ZBTB20: variants seen among roughly 807,000 people sequenced by gnomAD.
ZBTB20 encodes zinc finger and BTB domain-containing protein 20.
A neutral mutation model predicts 56.9 loss-of-function variants in ZBTB20; 9 were observed. The ratio of observed to expected loss-of-function variants is 0.16; its 90% confidence interval spans 0.10 to 0.28. The LOEUF is 0.28. Ranked by LOEUF, ZBTB20 falls within the 10% of genes least tolerant of loss-of-function variation. The pLI is 1.00. For synonymous variants in ZBTB20, 417 were observed against 420.7 expected, an observed-to-expected ratio of 0.99 and a Z score of 0.11; for missense variants, 655 against 1,003.0, an observed-to-expected ratio of 0.65 and a Z score of 4.69.
intron 7 of ZBTB20, among the ~76,000 whole-genome samples, chr3:114,408,472 C>G (rs1386046749): frequency 6.6e-6 from 1 of 152,088 alleles, no homozygotes; most frequent in Non-Finnish European, 1.5e-5. Context: ...CGAGAGAAAA[C>G]CTTTGACGAA....
At chr3:114,558,104 T>G (rs1185356075) in intron 6 of ZBTB20, among the ~76,000 whole-genome samples, 1 of 152,080 alleles carries the variant, frequency 6.6e-6, no homozygotes, top group Non-Finnish European at 1.5e-5. Context: ...TTTCCACCAT[T>G]CAGTGTAGTA....
At chr3:114,858,255 C>T (rs2075338697) in intron 4 of ZBTB20, among the ~76,000 whole-genome samples, 2 of 152,166 alleles carry the variant, frequency 1.3e-5, no homozygotes, top group Non-Finnish European at 2.9e-5. Context: ...TTGCAGGGAA[C>T]AAGCTCCCAC....
chr3:114,636,532 A>C (rs995595409), intron 6 of ZBTB20, among the ~76,000 whole-genome samples: 1 of 152,094 alleles, frequency 6.6e-6, no homozygotes, highest in Non-Finnish European at 1.5e-5. Flanking sequence ...CAATAACATG[A>C]AGTGTGTATA....
At chr3:114,848,784 G>A (rs2074848524) in intron 4 of ZBTB20, among the ~76,000 whole-genome samples, 1 of 152,202 alleles carries the variant, frequency 6.6e-6, no homozygotes. Context: ...GCTGCCCAGG[G>A]CGGCTACCTC....
intron 1 of ZBTB20, among the ~76,000 whole-genome samples, chr3:115,142,702 T>C (rs1378754026): frequency 6.6e-6 from 1 of 151,824 alleles, no homozygotes; most frequent in African/African-American, 2.4e-5. Context: ...TGTATTCCAT[T>C]AGTTATAAAG....
rs139563272 is a variant in ZBTB20, at chr3:115,055,960, TGA to T, written c.-507+15257_-507+15258del. 8.0e-3 allele frequency among the ~76,000 whole-genome samples: 1,211 copies of T among 152,158 alleles called. 3 individuals carry two copies. Among genetic ancestry groups the T allele is most frequent in the Non-Finnish European group, 0.013 (877 of 67,980 alleles). On this transcript the variant is annotated intron_variant, in intron 2 of 11. Transcript: ENST00000675478. ...TCCAAGGTAAAGACCCTCAAAAAGTTGAGAGATATGACTACATAAAAATTGAA... is the reference window on the plus strand; with the variant it reads ...TCCAAGGTAAAGACCCTCAAAAAGTTGAGATATGACTACATAAAAATTGAA...
At chr3:114,517,914 C>T (rs2046202872) in intron 6 of ZBTB20, among the ~76,000 whole-genome samples, 1 of 152,032 alleles carries the variant, frequency 6.6e-6, no homozygotes, top group Non-Finnish European at 1.5e-5. Flanking sequence ...TATACCAGGC[C>T]CTATGCTGAA....
intron 1 of ZBTB20, among the ~76,000 whole-genome samples, chr3:115,099,897 G>C (rs769697101): frequency 1.6e-4 from 24 of 151,976 alleles, no homozygotes; most frequent in Non-Finnish European, 2.9e-4. Flanking sequence ...GATTTATTTG[G>C]TACTTTAGTG....
intron 7 of ZBTB20, among the ~76,000 whole-genome samples, chr3:114,398,728 A>C (rs1363836021): frequency 6.6e-6 from 1 of 152,200 alleles, no homozygotes; most frequent in Non-Finnish European, 1.5e-5. Context: ...GATGAAAAGA[A>C]AAAGGATATT....
chr3:114,316,264 G>A lies in ZBTB20; in HGVS notation c.*22741C>T. The A allele has an allele frequency of 3.0e-6, 1 of 331,920 alleles. No homozygotes were observed. Among genetic ancestry groups the A allele is most frequent in the Non-Finnish European group, 5.6e-6 (1 of 177,916 alleles). The allele number at this position is 331,920 out of a possible 1,614,324, so 20.6% of individuals were successfully genotyped here. On this transcript the variant is annotated 3_prime_UTR_variant, in exon 12 of 12. Coordinates refer to ENST00000675478, the MANE Select transcript of ZBTB20 (RefSeq NM_001348800.3). ...CCATTTTTCCTTTTTCACTAACACT[G>A]TTCCTTTTTTTCCTTGTTACAATCC...
intron 5 of ZBTB20, among the ~76,000 whole-genome samples, chr3:114,762,547 T>A (rs1227673350): frequency 6.6e-6 from 1 of 152,202 alleles, no homozygotes; most frequent in Non-Finnish European, 1.5e-5. Context: ...TCTCTTCATT[T>A]GCTTGTGTGT....
intron 1 of ZBTB20, among the ~76,000 whole-genome samples, chr3:115,098,411 T>A (rs376741308): frequency 5.9e-5 from 9 of 152,242 alleles, no homozygotes; most frequent in African/African-American, 2.2e-4. Context: ...TGGGTCACCG[T>A]CAGAAATGGC....
rs183160748 is a variant in ZBTB20, at chr3:114,327,155, C to A, written c.*11850G>T. On this transcript the variant is annotated 3_prime_UTR_variant, in exon 12 of 12. Coordinates refer to ENST00000675478, the MANE Select transcript of ZBTB20 (RefSeq NM_001348800.3). ...GCTCATAAGCAATAATAAATTCACACCCTGGAGTCTCTAGAATATCAAACA... is the reference window on the plus strand; with the variant it reads ...GCTCATAAGCAATAATAAATTCACAACCTGGAGTCTCTAGAATATCAAACA... 1 of 152,206 alleles carries A rather than the reference C, an allele frequency of 6.6e-6. No homozygotes were observed. Among genetic ancestry groups the A allele is most frequent in the Admixed American group, 6.5e-5 (1 of 15,288 alleles). 9.4% of individuals were successfully genotyped at this position (152,206 alleles called of 1,614,324 possible). A position where few individuals can be genotyped will look rare whatever the true frequency, so the allele number is the denominator to read the frequency against.
chr3:114,626,539 ACT>A (rs1399540347), intron 6 of ZBTB20, among the ~76,000 whole-genome samples: 1 of 152,144 alleles, frequency 6.6e-6, no homozygotes. Context: ...CAATATGAAG[ACT>A]CTAGTAAAAT....
At chr3:114,707,025 A>G (rs1292699192) in intron 5 of ZBTB20, among the ~76,000 whole-genome samples, 3 of 152,158 alleles carry the variant, frequency 2.0e-5, no homozygotes, top group East Asian at 1.9e-4. Context: ...ACCCACATTC[A>G]CACACACTGA....
chr3:114,360,437 T>C (rs2108313907), intron 10 of ZBTB20, among the ~76,000 whole-genome samples: 1 of 151,294 alleles, frequency 6.6e-6, no homozygotes, highest in South Asian at 2.1e-4. Flanking sequence ...CTCTGCCTCC[T>C]GGGTTCAAGT....
chr3:114,494,176 G>C (rs933186310), intron 7 of ZBTB20, among the ~76,000 whole-genome samples: 2 of 152,142 alleles, frequency 1.3e-5, no homozygotes, highest in African/African-American at 4.8e-5. Flanking sequence ...ATTTCTTATT[G>C]TTATTATTAG....
intron 2 of ZBTB20, among the ~76,000 whole-genome samples, chr3:115,015,270 A>G (rs2079901024): frequency 6.6e-6 from 1 of 151,862 alleles, no homozygotes; most frequent in African/African-American, 2.4e-5. Context: ...TCATTCCTAT[A>G]AGATACATAA....
intron 4 of ZBTB20, among the ~76,000 whole-genome samples, chr3:114,802,023 T>C (rs1292928371): frequency 6.6e-6 from 1 of 151,888 alleles, no homozygotes; most frequent in Non-Finnish European, 1.5e-5. Context: ...ACACCATCTA[T>C]AAATAATAGT....
Sources: gnomAD v4.1 joint callset for allele counts (sites outside exome capture counted in the v4.1 genomes callset) on GRCh38, gnomAD v4.1.1 for gene constraint, MANE v1.5 for transcripts, NCBI Gene and HGNC (gene_info 2026-07-23, HGNC 2026-07-21) for gene names.